The following WWC1 variants were observed in gnomAD, a reference collection of about 807,000 sequenced individuals.
WWC1 encodes the protein WW and C2 domain containing 1.
WWC1 carries 55 observed loss-of-function variants against 138.4 expected under a neutral mutation model. The observed-to-expected ratio is 0.40, with a 90% confidence interval of 0.32 to 0.50. The LOEUF (loss-of-function observed/expected upper bound fraction) is 0.50. Among genes scored for constraint, WWC1 ranks in the 20% least tolerant of loss-of-function variants. The pLI is 0.72. For synonymous variants in WWC1, 524 were observed against 564.9 expected, an observed-to-expected ratio of 0.93 and a Z score of 1.03; for missense variants, 1,226 against 1,420.4, an observed-to-expected ratio of 0.86 and a Z score of 2.20.
chr5:168,346,425 G>A (rs999401568), intron 1 of WWC1, among the ~76,000 whole-genome samples: 2 of 152,164 alleles, frequency 1.3e-5, no homozygotes, highest in Non-Finnish European at 2.9e-5. Context: ...CCCTGCATGA[G>A]CAAGACCCTA....
At chr5:168,407,653 A>G (rs1779899761) in intron 6 of WWC1, among the ~76,000 whole-genome samples, 1 of 152,188 alleles carries the variant, frequency 6.6e-6, no homozygotes, top group Non-Finnish European at 1.5e-5. Flanking sequence ...CAGATAGACC[A>G]GGTCCAAATC....
intron 3 of WWC1, among the ~76,000 whole-genome samples, chr5:168,391,500 G>A (rs6870186): frequency 0.6 from 90,967 of 151,200 alleles, 27,798 homozygotes; most frequent in African/African-American, 0.68. Flanking sequence ...TCTACTAAAA[G>A]TACAAAAAAG....
At chr5:168,461,646 C>T (rs578064465) in intron 20 of WWC1, among the ~76,000 whole-genome samples, 34 of 152,326 alleles carry the variant, frequency 2.2e-4, no homozygotes, top group African/African-American at 8.2e-4. Flanking sequence ...TTGTCTTTGA[C>T]CATTAAGGGC....
In WWC1 at chr5:168,391,520, G is replaced by A. The variant is rs184332208; in HGVS notation, c.433+6106G>A. Among the ~76,000 whole-genome samples the A allele has an allele frequency of 1.0e-3, 156 of 151,826 alleles. 1 individual carries two copies. The highest frequency in any genetic ancestry group is 3.5e-3 in the African/African-American group (145 of 41,420). ...TAAAAGTACAAAAAAGTAGCTGGGC[G>A]TGGTGGTGGGTGCCTGTAGTCCCAG... On this transcript the variant is annotated intron_variant, in intron 3 of 22. Transcript: ENST00000265293.
chr5:168,400,264 G>T (rs1301054249), intron 5 of WWC1, among the ~76,000 whole-genome samples: 1 of 149,112 alleles, frequency 6.7e-6, no homozygotes, highest in Non-Finnish European at 1.5e-5. Flanking sequence ...TGTTGTACAG[G>T]TTATTTCATC....
At chr5:168,415,319 T>C (rs1780522355) in intron 9 of WWC1, 1 of 152,220 alleles carries the variant, frequency 6.6e-6, no homozygotes, top group African/African-American at 2.4e-5. Flanking sequence ...AGATTTTTTA[T>C]TTTTAAATAT....
chr5:168,308,496 G>A (rs1049688166), intron 1 of WWC1, among the ~76,000 whole-genome samples: 7 of 152,094 alleles, frequency 4.6e-5, no homozygotes, highest in Admixed American at 1.3e-4. Context: ...ATCATTTTGC[G>A]CAGGAGTTCA....
intron 1 of WWC1, among the ~76,000 whole-genome samples, chr5:168,340,771 A>C (rs1773976480): frequency 2.0e-5 from 3 of 152,198 alleles, no homozygotes; most frequent in Admixed American, 1.3e-4. Context: ...CTTTTTGGCT[A>C]TTATGAATGA....
At chr5:168,381,612 G>A (rs866826404) in intron 2 of WWC1, among the ~76,000 whole-genome samples, 1 of 152,028 alleles carries the variant, frequency 6.6e-6, no homozygotes, top group South Asian at 2.1e-4. Flanking sequence ...AAATTCTCCC[G>A]GGTGATTCTA....
intron 1 of WWC1, among the ~76,000 whole-genome samples, chr5:168,365,914 G>A (rs1776257426): frequency 6.6e-6 from 1 of 152,212 alleles, no homozygotes; most frequent in Non-Finnish European, 1.5e-5. Context: ...TCGGCAGCCC[G>A]AGTTGTGGAG....
chr5:168,391,664 A>AG (rs1307886186), intron 3 of WWC1, among the ~76,000 whole-genome samples: 1 of 148,902 alleles, frequency 6.7e-6, no homozygotes, highest in African/African-American at 2.5e-5. Flanking sequence ...GTCTCAAAAA[A>AG]AAAAAAACAA....
intron 9 of WWC1, among the ~76,000 whole-genome samples, chr5:168,420,144 A>G (rs1432794936): frequency 6.6e-6 from 1 of 152,086 alleles, no homozygotes; most frequent in African/African-American, 2.4e-5. Context: ...TTGCCCTAAG[A>G]TGGTGCGTGA....
At chr5:168,336,099 C>T (rs756453380) in intron 1 of WWC1, among the ~76,000 whole-genome samples, 20 of 152,192 alleles carry the variant, frequency 1.3e-4, no homozygotes, top group Non-Finnish European at 2.6e-4. Context: ...ATGCAAACCC[C>T]TCCCTTAACC....
intron 1 of WWC1, among the ~76,000 whole-genome samples, chr5:168,301,430 G>A (rs958059592): frequency 2.0e-5 from 3 of 152,164 alleles, no homozygotes; most frequent in Non-Finnish European, 2.9e-5. Context: ...GAGGTCAGAA[G>A]TTCAAGACCA....
At chr5:168,414,797 GGTGA>G in intron 9 of WWC1, 2 of 697,014 alleles carry the variant, frequency 2.9e-6, no homozygotes, top group Non-Finnish European at 4.5e-6. Context: ...AATTTTGCAT[GGTGA>G]ATCATGCTAC....
chr5:168,414,773 G>A (rs1582213804), intron 9 of WWC1, 183 bp downstream of exon 9: 10 of 878,230 alleles, frequency 1.1e-5, no homozygotes, highest in South Asian at 4.2e-5. Context: ...CATCCAGTGC[G>A]CCAGCTACCC....
At chr5:168,356,659 G>A (rs1775447813) in intron 1 of WWC1, among the ~76,000 whole-genome samples, 1 of 152,184 alleles carries the variant, frequency 6.6e-6, no homozygotes, top group African/African-American at 2.4e-5. Context: ...GCTATCCAAG[G>A]GCTGCAGAAT....
intron 5 of WWC1, among the ~76,000 whole-genome samples, chr5:168,403,088 T>TTTCTTTCTTTCTTTTCTTTCTTTTC (rs374804391): frequency 1.6e-5 from 2 of 124,190 alleles, no homozygotes; most frequent in African/African-American, 6.9e-5. Context: ...CTTTTCTTTC[T>TTTCTTTCTTTCTTTTCTTTCTTTTC]TTTCTTTCTT....
At chr5:168,379,273 G>A (rs1436053577) in intron 2 of WWC1, among the ~76,000 whole-genome samples, 1 of 152,194 alleles carries the variant, frequency 6.6e-6, no homozygotes, top group Non-Finnish European at 1.5e-5. Context: ...CAAAGGGCCT[G>A]CCAGTTACAA....
Sources: allele counts gnomAD v4.1 joint callset (sites outside exome capture counted in the v4.1 genomes callset), GRCh38; gene constraint gnomAD v4.1.1; transcripts MANE v1.5; gene names NCBI Gene and HGNC (gene_info 2026-07-23, HGNC 2026-07-21).